The following CRHR2 variants were observed in gnomAD, a reference collection of about 807,000 sequenced individuals.
The protein encoded by CRHR2 is corticotropin-releasing hormone receptor 2.
CRHR2 carries 53 observed loss-of-function variants against 57.9 expected under a neutral mutation model. The observed-to-expected ratio is 0.92, with a 90% confidence interval of 0.73 to 1.15. The LOEUF is 1.15. Among genes scored for constraint, CRHR2 ranks in the 50% most tolerant of loss-of-function variants. The pLI, the probability that CRHR2 is intolerant of heterozygous loss-of-function variation, is 0.00. For missense variants in CRHR2, 532 were observed against 542.6 expected, an observed-to-expected ratio of 0.98 and a Z score of 0.19; for synonymous variants, 213 against 220.9, an observed-to-expected ratio of 0.96 and a Z score of 0.32.
chr7:30,677,681 C>A (rs1196881076), intron 2 of CRHR2, among the ~76,000 whole-genome samples: 1 of 152,118 alleles, frequency 6.6e-6, no homozygotes, highest in African/African-American at 2.4e-5. Flanking sequence ...ATTCCCCCAC[C>A]CATCAGATGC....
rs777927607 is a variant in CRHR2, at chr7:30,682,075, G to A, written c.104-35C>T. ...GGAGAGAGCGCAGTAGGGCTCAGAG[G>A]GGCCCGCAGGGACGCGGGGCTCTCG... is the stretch of plus-strand genomic sequence containing the variant. On this transcript the variant is annotated intron_variant, in intron 1 of 11. Transcript: ENST00000471646. The A allele has an allele frequency of 5.2e-6, 8 of 1,553,230 alleles. No individual in the cohort carries two copies. The African/African-American group carries it at 8.3e-5, about 16-fold the overall frequency.
At chr7:30,693,437 G>A (rs1418496104) in intron 1 of CRHR2, among the ~76,000 whole-genome samples, 9 of 152,226 alleles carry the variant, frequency 5.9e-5, no homozygotes, top group Non-Finnish European at 1.3e-4. Context: ...TGACCACCTG[G>A]TGGTGCGGGG....
intron 2 of CRHR2, among the ~76,000 whole-genome samples, chr7:30,668,602 T>A (rs186519684): frequency 6.6e-6 from 1 of 152,262 alleles, no homozygotes; most frequent in Admixed American, 6.5e-5. Context: ...TTAAGTTACT[T>A]AAAAACCCAC....
chr7:30,665,714 C>T lies in CRHR2; in HGVS notation c.316-75G>A. 2 of 1,263,322 alleles carry T rather than the reference C, an allele frequency of 1.6e-6. No homozygotes were observed. The highest frequency in any genetic ancestry group is 2.7e-5 in the South Asian group (2 of 74,468). 78.3% of individuals were successfully genotyped at this position (1,263,322 alleles called of 1,614,324 possible). A position where few individuals can be genotyped will look rare whatever the true frequency, so the allele number is the denominator to read the frequency against. On this transcript the variant is annotated intron_variant, in intron 3 of 11. Transcript: ENST00000471646. The surrounding 1 kb of genome is among the most constrained non-coding windows in gnomAD (Gnocchi z 4.5). ...GTGGGGCTGGGTATTCCAGCCGTGGCCACCTCTGTGTCCTGACCTTGGGGG... is the reference window on the plus strand; with the variant it reads ...GTGGGGCTGGGTATTCCAGCCGTGGTCACCTCTGTGTCCTGACCTTGGGGG...
At position 30,653,728 on chromosome 7, in the gene CRHR2, A is replaced by G; in HGVS notation, c.1096-128T>C. The stretch of plus-strand genomic sequence containing the variant: ...TCATGACAAGGAACTGTCTGCTTCC[A>G]AAACAGGTCCTTCCCTGATGCTGTT... On this transcript the variant is annotated intron_variant, in intron 11 of 11. Coordinates refer to ENST00000471646, the MANE Select transcript of CRHR2 (RefSeq NM_001883.5). This position sits in a 1 kb window ranked among gnomAD's most constrained non-coding sequence, Gnocchi z 5.0. 8.6e-7 allele frequency: 1 copy of G among 1,159,104 alleles called. No homozygotes were observed. The highest frequency in any genetic ancestry group is 2.6e-5 in the East Asian group (1 of 38,208). The allele number at this position is 1,159,104 out of a possible 1,614,324, so 71.8% of individuals were successfully genotyped here.
intron 1 of CRHR2, among the ~76,000 whole-genome samples, chr7:30,695,323 C>A (rs144317496): frequency 9.2e-5 from 14 of 152,120 alleles, no homozygotes; most frequent in Non-Finnish European, 1.3e-4. Context: ...CAGCTCCCAG[C>A]GGCTTTCTTG....
chr7:30,657,920 C>G (rs896849885), intron 8 of CRHR2, among the ~76,000 whole-genome samples: 4 of 152,154 alleles, frequency 2.6e-5, no homozygotes, highest in Admixed American at 1.3e-4. Flanking sequence ...ATCTACCTAC[C>G]CAATAACCAA....
intron 1 of CRHR2, among the ~76,000 whole-genome samples, chr7:30,699,057 G>A (rs1462698013): frequency 6.6e-6 from 1 of 152,200 alleles, no homozygotes; most frequent in East Asian, 1.9e-4. Context: ...CTGTGGCAGA[G>A]TCAGGACAGC....
rs191278203 is a variant in CRHR2, at chr7:30,677,190, A to G, written c.229+4725T>C. 3.1e-4 allele frequency among the ~76,000 whole-genome samples: 47 copies of G among 151,050 alleles called. 1 individual carries two copies. The highest frequency in any genetic ancestry group is 9.2e-4 in the African/African-American group (37 of 40,390). On this transcript the variant is annotated intron_variant, in intron 2 of 11. Coordinates refer to ENST00000471646, the MANE Select transcript of CRHR2 (RefSeq NM_001883.5). Reference sequence around the variant, plus strand: ...TCGGGGGATGAAGAAGGCAGTAGGGAGAGATGGAGAAAGAGAGAGAGAGGT... The same window carrying G: ...TCGGGGGATGAAGAAGGCAGTAGGGGGAGATGGAGAAAGAGAGAGAGAGGT...
chr7:30,698,693 C>T (rs373187860), intron 1 of CRHR2, among the ~76,000 whole-genome samples: 28 of 152,258 alleles, frequency 1.8e-4, no homozygotes, highest in African/African-American at 6.7e-4. Flanking sequence ...TGGCCAGGCC[C>T]CCAGGAAGGC....
At chr7:30,671,761 T>C (rs1784360355) in intron 2 of CRHR2, among the ~76,000 whole-genome samples, 1 of 151,620 alleles carries the variant, frequency 6.6e-6, no homozygotes, top group African/African-American at 2.4e-5. Flanking sequence ...GAGCTGAGAT[T>C]GTGCCACTGC....
At chr7:30,699,630 A>G (rs1584151459) in intron 1 of CRHR2, 1 of 215,804 alleles carries the variant, frequency 4.6e-6, no homozygotes, top group Non-Finnish European at 9.4e-6. Context: ...TCACCCCAGA[A>G]CCCTCTGCTT....
At chr7:30,699,253 C>T (rs991392175) in intron 1 of CRHR2, among the ~76,000 whole-genome samples, 5 of 152,300 alleles carry the variant, frequency 3.3e-5, no homozygotes, top group African/African-American at 9.6e-5. Flanking sequence ...TGTCCCTTCT[C>T]CCCACCTTCC....
At chr7:30,657,353 C>T (rs1783825758) in intron 8 of CRHR2, among the ~76,000 whole-genome samples, 2 of 152,152 alleles carry the variant, frequency 1.3e-5, no homozygotes, top group Non-Finnish European at 2.9e-5. Context: ...GTGGTATGGC[C>T]TGGGGGTCCC....
chr7:30,662,586 G>T, intron 6 of CRHR2, 108 bp downstream of exon 6: 1 of 1,368,222 alleles, frequency 7.3e-7, no homozygotes, highest in East Asian at 2.3e-5. Flanking sequence ...GACTGCGCTG[G>T]GGGTGGAGGG....
At chr7:30,654,489 C>G (rs941427514) in intron 11 of CRHR2, among the ~76,000 whole-genome samples, 1 of 152,228 alleles carries the variant, frequency 6.6e-6, no homozygotes, top group Admixed American at 6.5e-5. Context: ...GCTCTTTGCT[C>G]CATGTCCTCA....
At chr7:30,681,272 C>G (rs1320961621) in intron 2 of CRHR2, among the ~76,000 whole-genome samples, 2 of 152,194 alleles carry the variant, frequency 1.3e-5, no homozygotes, top group Non-Finnish European at 2.9e-5. Flanking sequence ...TCAGACACCA[C>G]TCATTATGGG....
intron 1 of CRHR2, among the ~76,000 whole-genome samples, chr7:30,691,798 A>T (rs941570788): frequency 9.2e-5 from 14 of 152,202 alleles, no homozygotes; most frequent in Non-Finnish European, 2.9e-5. Flanking sequence ...ACTCAGTCCG[A>T]AGTCGTAATC....
upstream of CRHR2, chr7:30,682,519 G>C (rs1784759024): frequency 8.7e-6 from 11 of 1,262,188 alleles, no homozygotes; most frequent in South Asian, 2.7e-5. Context: ...GCTCCGCCGC[G>C]GCCAATGGCT....
Sources: gnomAD v4.1 joint callset for allele counts (sites outside exome capture counted in the v4.1 genomes callset) on GRCh38, gnomAD v4.1.1 for gene constraint, Gnocchi (gnomAD v3.1) non-coding constraint, MANE v1.5 for transcripts, NCBI Gene and HGNC (gene_info 2026-07-23, HGNC 2026-07-21) for gene names.